GRID1: variants seen among roughly 807,000 people sequenced by gnomAD.
GRID1 encodes glutamate receptor ionotropic, delta-1.
In GRID1, 28 loss-of-function variants were observed where a neutral mutation model predicts 98.0. That is an observed-to-expected ratio of 0.29 (90% CI 0.21 to 0.39). GRID1 has a LOEUF of 0.39. Among genes scored for constraint, GRID1 ranks in the 10% least tolerant of loss-of-function variants. The probability of loss-of-function intolerance (pLI) is 1.00; values close to 1 mark genes in which losing one functional copy is unlikely to be tolerated. For missense variants in GRID1, 1,111 were observed against 1,340.5 expected, an observed-to-expected ratio of 0.83 and a Z score of 2.67; for synonymous variants, 553 against 538.5, an observed-to-expected ratio of 1.03 and a Z score of -0.37.
chr10:85,785,101 G>T (rs1368279534), intron 8 of GRID1, among the ~76,000 whole-genome samples: 2 of 152,218 alleles, frequency 1.3e-5, no homozygotes, highest in African/African-American at 4.8e-5. Context: ...GCCTGACTGA[G>T]AGGCGCATGC....
intron 4 of GRID1, among the ~76,000 whole-genome samples, chr10:86,120,059 A>T (rs1844643699): frequency 1.3e-5 from 2 of 152,022 alleles, no homozygotes; most frequent in Non-Finnish European, 2.9e-5. Flanking sequence ...TTGGCCTCCC[A>T]AAGTGCTGAG....
At chr10:85,901,878 T>C (rs1479052784) in intron 5 of GRID1, among the ~76,000 whole-genome samples, 1 of 152,216 alleles carries the variant, frequency 6.6e-6, no homozygotes, top group Non-Finnish European at 1.5e-5. Flanking sequence ...CTCATATATC[T>C]GCAACCATAA....
chr10:86,318,652 G>A (rs897429249), intron 2 of GRID1, among the ~76,000 whole-genome samples: 21 of 152,236 alleles, frequency 1.4e-4, no homozygotes, highest in African/African-American at 4.6e-4. Flanking sequence ...ATGGCAGGGT[G>A]AGGGACAGCA....
intron 8 of GRID1, among the ~76,000 whole-genome samples, chr10:85,813,902 T>C (rs559780594): frequency 6.6e-6 from 1 of 151,830 alleles, no homozygotes; most frequent in South Asian, 2.1e-4. Context: ...TTTTCTAAAG[T>C]TTACATAAAG....
At position 86,366,557 on chromosome 10, in the gene GRID1, C is replaced by A; in HGVS notation, c.-165G>T. ...CCCGCCCCTGCGCCCTGCGCCCGCC[C>A]CAGCCCAGCCCAGCCCAGCCCAGCG... is the stretch of plus-strand genomic sequence containing the variant. On this transcript the variant is annotated 5_prime_UTR_variant, in exon 1 of 16. Coordinates refer to ENST00000327946, the MANE Select transcript of GRID1 (RefSeq NM_017551.3). This position sits in a 1 kb window ranked among gnomAD's most constrained non-coding sequence, Gnocchi z 4.1. 4.2e-6 allele frequency: 1 copy of A among 240,300 alleles called. No homozygotes were observed. The highest frequency in any genetic ancestry group is 1.6e-4 in the South Asian group (1 of 6,188). The allele number at this position is 240,300 out of a possible 1,614,324, so 14.9% of individuals were successfully genotyped here. A position where few individuals can be genotyped will look rare whatever the true frequency, so the allele number is the denominator to read the frequency against.
intron 4 of GRID1, among the ~76,000 whole-genome samples, chr10:85,939,580 G>A (rs1471340704): frequency 2.0e-5 from 3 of 151,970 alleles, no homozygotes; most frequent in Non-Finnish European, 4.4e-5. Context: ...GCCTTTCTTG[G>A]GGAGTCATGT....
intron 5 of GRID1, among the ~76,000 whole-genome samples, chr10:85,915,732 C>T (rs1233734351): frequency 6.6e-6 from 1 of 152,124 alleles, no homozygotes; most frequent in Non-Finnish European, 1.5e-5. Flanking sequence ...TGGATTCACA[C>T]TCTCGCACGC....
At chr10:85,859,656 C>T (rs1843146762) in intron 6 of GRID1, among the ~76,000 whole-genome samples, 1 of 152,170 alleles carries the variant, frequency 6.6e-6, no homozygotes, top group Non-Finnish European at 1.5e-5. Flanking sequence ...TTTCCATCTA[C>T]TCCACTTACT....
intron 8 of GRID1, among the ~76,000 whole-genome samples, chr10:85,848,266 T>C (rs1386422747): frequency 2.6e-5 from 4 of 152,086 alleles, no homozygotes; most frequent in Admixed American, 1.3e-4. Context: ...ATTATTCTTG[T>C]TCTGGTAATT....
At chr10:86,261,941 G>A (rs963233053) in intron 2 of GRID1, among the ~76,000 whole-genome samples, 1 of 152,240 alleles carries the variant, frequency 6.6e-6, no homozygotes, top group Non-Finnish European at 1.5e-5. Flanking sequence ...AGAGCTGTGT[G>A]CCAGACATCA....
intron 2 of GRID1, among the ~76,000 whole-genome samples, chr10:86,289,399 A>G (rs1293884356): frequency 2.6e-5 from 4 of 151,582 alleles, no homozygotes; most frequent in Non-Finnish European, 5.9e-5. Flanking sequence ...ACCCCTTCAG[A>G]CCCCTCGGCT....
intron 13 of GRID1, among the ~76,000 whole-genome samples, chr10:85,644,518 T>C (rs1279993746): frequency 6.6e-6 from 1 of 152,238 alleles, no homozygotes; most frequent in East Asian, 1.9e-4. Flanking sequence ...TGTTTTATTT[T>C]ACTCAATATT....
chr10:86,019,895 G>A (rs1276554278), intron 4 of GRID1, among the ~76,000 whole-genome samples: 3 of 152,244 alleles, frequency 2.0e-5, no homozygotes, highest in African/African-American at 7.2e-5. Flanking sequence ...GGCAGCCCTG[G>A]TACATTGCCA....
intron 13 of GRID1, among the ~76,000 whole-genome samples, chr10:85,622,425 T>A (rs11818809): frequency 0.13 from 20,074 of 152,012 alleles, 1,487 homozygotes; most frequent in Middle Eastern, 0.25. Flanking sequence ...TTAAAAAAAA[T>A]ATAGACAGTC....
chr10:85,778,600 G>C (rs968789160), intron 8 of GRID1, among the ~76,000 whole-genome samples: 7 of 152,194 alleles, frequency 4.6e-5, no homozygotes, highest in African/African-American at 1.7e-4. Context: ...AGGGCAAGGA[G>C]ACAAGTTTGA....
At chr10:85,675,403 G>A (rs1041010578) in intron 12 of GRID1, among the ~76,000 whole-genome samples, 1 of 152,186 alleles carries the variant, frequency 6.6e-6, no homozygotes, top group African/African-American at 2.4e-5. Context: ...GCAAAATAAT[G>A]CAGGAGGAGC....
intron 2 of GRID1, among the ~76,000 whole-genome samples, chr10:86,334,462 C>G (rs1432435002): frequency 6.6e-6 from 1 of 152,172 alleles, no homozygotes; most frequent in Non-Finnish European, 1.5e-5. Context: ...TTTTCTGTCA[C>G]TTGCTCAATT....
intron 4 of GRID1, among the ~76,000 whole-genome samples, chr10:86,113,338 C>T (rs187157845): frequency 6.6e-6 from 1 of 152,186 alleles, no homozygotes; most frequent in Non-Finnish European, 1.5e-5. Context: ...TAAGCTCAAG[C>T]CACACAGGCA....
intron 12 of GRID1, among the ~76,000 whole-genome samples, chr10:85,657,210 C>G (rs58799550): frequency 0.016 from 2,397 of 152,226 alleles, 64 homozygotes; most frequent in African/African-American, 0.054. Context: ...CACAGCACCC[C>G]TTACATTATA....
Sources: allele counts gnomAD v4.1 joint callset (sites outside exome capture counted in the v4.1 genomes callset), GRCh38; gene constraint gnomAD v4.1.1; non-coding constraint Gnocchi (gnomAD v3.1); transcripts MANE v1.5; gene names NCBI Gene and HGNC (gene_info 2026-07-23, HGNC 2026-07-21).